Variants in GNB1L observed in about 807,000 individuals in gnomAD.
The protein encoded by GNB1L is guanine nucleotide-binding protein subunit beta-like protein 1.
In GNB1L, 20 loss-of-function variants were observed where a neutral mutation model predicts 29.1. The observed-to-expected ratio is 0.69, with a 90% CI of 0.48 to 1.00. The LOEUF (loss-of-function observed/expected upper bound fraction) is 1.00, where lower values mean the gene tolerates loss of function less well. GNB1L is among the 50% of genes least tolerant of loss of function. The pLI, the probability that GNB1L is intolerant of heterozygous loss-of-function variation, is 0.00. For synonymous variants in GNB1L, 193 were observed against 206.5 expected, an observed-to-expected ratio of 0.93 and a Z score of 0.56; for missense variants, 421 against 464.9, an observed-to-expected ratio of 0.91 and a Z score of 0.87.
At chr22:19,803,637 C>T (rs1440192274) in intron 6 of GNB1L, among the ~76,000 whole-genome samples, 2 of 152,234 alleles carry the variant, frequency 1.3e-5, no homozygotes, top group East Asian at 3.8e-4. Flanking sequence ...GCCTTCTGCA[C>T]AGAAGCTCCT....
Position 19,788,796 on chromosome 22 carries a change from C to T in GNB1L, c.897G>A (p.Gln299=). The T allele has an allele frequency of 6.2e-7, 1 of 1,612,608 alleles. No individual in the cohort carries two copies. The highest frequency in any genetic ancestry group is 1.3e-5 in the African/African-American group (1 of 75,064). The change falls in exon 8 of 8, where the codon CAG becomes CAA. Residue 299 remains glutamine, a synonymous_variant. Coordinates refer to ENST00000329517, the MANE Select transcript of GNB1L (RefSeq NM_053004.3). ...AVLAFHSAAV[Q]CVAFTADGLL... is the part of the protein sequence containing the mutation. The stretch of plus-strand genomic sequence containing the variant: ...AGCCATCGGCGGTGAAGGCCACGCA[C>T]TGGACAGCGGCGCTGTGGAAGGCCA...
intron 6 of GNB1L, among the ~76,000 whole-genome samples, chr22:19,806,099 A>T (rs1413962458): frequency 6.6e-6 from 1 of 152,242 alleles, no homozygotes; most frequent in Non-Finnish European, 1.5e-5. Context: ...GCCCCGGCTG[A>T]TGCCTTCCAA....
chr22:19,844,970 TCCCCTGGGGCTGGTG>T (rs879793749), intron 2 of GNB1L, among the ~76,000 whole-genome samples: 3 of 152,118 alleles, frequency 2.0e-5, no homozygotes, highest in Non-Finnish European at 2.9e-5. Context: ...TGGGGACCAA[TCCCCTGGGGCTGGTG>T]CCCCTGGCCT....
intron 5 of GNB1L, among the ~76,000 whole-genome samples, 171 bp downstream of exon 5, chr22:19,812,113 AG>A (rs977872632): frequency 6.6e-6 from 1 of 152,236 alleles, no homozygotes; most frequent in African/African-American, 2.4e-5. Flanking sequence ...GGCCACCCCA[AG>A]GGGACAGGCC....
At chr22:19,806,259 G>C (rs1046121601) in intron 6 of GNB1L, among the ~76,000 whole-genome samples, 1 of 152,262 alleles carries the variant, frequency 6.6e-6, no homozygotes, top group African/African-American at 2.4e-5. Flanking sequence ...AAGCAAAGCG[G>C]GGGCCGTGCA....
At chr22:19,840,379 G>T (rs1163044839) in intron 2 of GNB1L, among the ~76,000 whole-genome samples, 1 of 152,254 alleles carries the variant, frequency 6.6e-6, no homozygotes, top group Non-Finnish European at 1.5e-5. Flanking sequence ...CCCTTCCTAA[G>T]AGGAGAGTAC....
At chr22:19,822,055 G>A (rs1030681967) in intron 2 of GNB1L, among the ~76,000 whole-genome samples, 19 of 152,126 alleles carry the variant, frequency 1.2e-4, no homozygotes, top group Admixed American at 3.3e-4. Context: ...GGTCCCGGGG[G>A]GCTGCTAGGA....
At chr22:19,832,542 T>A (rs1034559056) in intron 2 of GNB1L, among the ~76,000 whole-genome samples, 12 of 151,946 alleles carry the variant, frequency 7.9e-5, no homozygotes, top group Non-Finnish European at 1.5e-4. Flanking sequence ...TGGATAAAAC[T>A]CCAAATTTCT....
At position 19,838,614 on chromosome 22, in the gene GNB1L, C is replaced by T. The variant is rs536520873; in HGVS notation, c.-21+15829G>A. 8.5e-5 allele frequency among the ~76,000 whole-genome samples: 13 copies of T among 152,094 alleles called. No homozygotes were observed. The South Asian group carries it at 1.0e-3, about 12-fold the overall frequency. On this transcript the variant is annotated intron_variant, in intron 2 of 7. Transcript: ENST00000329517. ...GCCTCCTGGGTAGCTGGATTACAGACGCCTGCCACCGCGCCCGGCTAATTT... is the reference window on the plus strand; with the variant it reads ...GCCTCCTGGGTAGCTGGATTACAGATGCCTGCCACCGCGCCCGGCTAATTT...
chr22:19,813,787 G>A (rs1217109929), intron 4 of GNB1L, among the ~76,000 whole-genome samples: 1 of 152,168 alleles, frequency 6.6e-6, no homozygotes, highest in Non-Finnish European at 1.5e-5. Context: ...TTGAGCCCAG[G>A]AATTCCAGAT....
chr22:19,820,135 C>A (rs1937566544), intron 4 of GNB1L, among the ~76,000 whole-genome samples: 1 of 152,152 alleles, frequency 6.6e-6, no homozygotes, highest in Non-Finnish European at 1.5e-5. Context: ...ACGGCCCAGG[C>A]AGGATGGGCA....
chr22:19,847,249 T>C, intron 2 of GNB1L: 1 of 985,456 alleles, frequency 1.0e-6, no homozygotes, highest in Non-Finnish European at 1.2e-6. Context: ...AAGCAAGAAA[T>C]AAGCAGTGCC....
chr22:19,809,050 C>T (rs1270220103), intron 5 of GNB1L, among the ~76,000 whole-genome samples: 2 of 152,060 alleles, frequency 1.3e-5, no homozygotes, highest in Admixed American at 6.5e-5. Context: ...CACCCCCGGG[C>T]CTGTCCCTAT....
At chr22:19,818,033 C>T (rs528783230) in intron 4 of GNB1L, among the ~76,000 whole-genome samples, 1 of 152,358 alleles carries the variant, frequency 6.6e-6, no homozygotes, top group South Asian at 2.1e-4. Flanking sequence ...ACTTGGCTTC[C>T]AAACACAGCT....
At chr22:19,843,153 G>A (rs1014333272) in intron 2 of GNB1L, among the ~76,000 whole-genome samples, 2 of 152,212 alleles carry the variant, frequency 1.3e-5, no homozygotes. Flanking sequence ...CGGGATAAAG[G>A]TAGTTTGTTT....
At chr22:19,796,937 C>T (rs1006342184) in intron 7 of GNB1L, among the ~76,000 whole-genome samples, 10 of 152,236 alleles carry the variant, frequency 6.6e-5, no homozygotes, top group African/African-American at 9.6e-5. Context: ...AAAGCAGGGA[C>T]GGAGCTTTGA....
At chr22:19,810,313 T>C (rs998346745) in intron 5 of GNB1L, among the ~76,000 whole-genome samples, 9 of 152,088 alleles carry the variant, frequency 5.9e-5, no homozygotes, top group Non-Finnish European at 1.0e-4. Context: ...AAAAGACCCC[T>C]CTGGGGACAG....
intron 2 of GNB1L, among the ~76,000 whole-genome samples, chr22:19,823,925 CACAG>C (rs1323684033): frequency 2.6e-5 from 4 of 152,248 alleles, no homozygotes; most frequent in South Asian, 2.1e-4. Context: ...GAAGCACACA[CACAG>C]ACAGCACGGC....
intron 7 of GNB1L, 88 bp from the exon 8 acceptor site, chr22:19,789,048 A>T: frequency 1.4e-6 from 2 of 1,402,024 alleles, no homozygotes; most frequent in Non-Finnish European, 2.0e-6. Context: ...TGGAACCAGG[A>T]GAGACGCAGG....
Sources: gnomAD v4.1 joint callset for allele counts (sites outside exome capture counted in the v4.1 genomes callset) on GRCh38, gnomAD v4.1.1 for gene constraint, MANE v1.5 for transcripts, NCBI Gene and HGNC (gene_info 2026-07-23, HGNC 2026-07-21) for gene names.